The following POLG variants were observed in gnomAD, a reference collection of about 807,000 sequenced individuals.
The protein encoded by POLG is DNA polymerase subunit gamma-1.
In POLG, 110 loss-of-function variants were observed where a neutral mutation model predicts 155.4. The observed-to-expected ratio is 0.71, with a 90% CI of 0.61 to 0.83. The LOEUF is 0.83. Ranked by LOEUF, POLG falls within the 40% of genes least tolerant of loss-of-function variation. POLG has a pLI of 0.00. For missense variants in POLG, 1,685 were observed against 1,627.5 expected (o/e 1.04, Z -0.61); for synonymous variants, 701 against 631.5 (o/e 1.11, Z -1.65).
At position 89,325,073 on chromosome 15, in the gene POLG, T is replaced by TGAGTGAGTGAGTGAGA. The variant is rs2055461625; in HGVS notation, c.1949+376_1949+377insTCTCACTCACTCACTC. ...GTGAGTGAGAGAGTGAGTGAGTGAG[T>TGAGTGAGTGAGTGAGA]GAGTGAGTGAGAGAGTGAGTGAGTG... On this transcript the variant is annotated intron_variant, in intron 10 of 22. Coordinates refer to ENST00000268124, the MANE Select transcript of POLG (RefSeq NM_002693.3). 4.0e-5 allele frequency among the ~76,000 whole-genome samples: 3 copies of TGAGTGAGTGAGTGAGA among 74,402 alleles called. No homozygotes were observed. The South Asian group carries it at 1.2e-3, about 30-fold the overall frequency. The allele number at this position is 74,402 out of a possible 152,430, so 48.8% of individuals were successfully genotyped here. A position where few individuals can be genotyped will look rare whatever the true frequency, so the allele number is the denominator to read the frequency against.
At chr15:89,330,864 A>T (rs2055585164) in intron 2 of POLG, among the ~76,000 whole-genome samples, 2 of 152,154 alleles carry the variant, frequency 1.3e-5, no homozygotes. Context: ...AGAACCAGGG[A>T]AAGTGCCAGA....
rs1567189346 is a variant in POLG, at chr15:89,325,105, T to TGAGTGAGTGAGA, written c.1949+344_1949+345insTCTCACTCACTC. On this transcript the variant is annotated intron_variant, in intron 10 of 22. Transcript: ENST00000268124. ...GTGAGAGAGTGAGTGAGTGAGAGAG[T>TGAGTGAGTGAGA]GAGAGAGAGTGAGTGAGTGAGTGAG... Among the ~76,000 whole-genome samples, 2 of 26,396 alleles carry TGAGTGAGTGAGA rather than the reference T, an allele frequency of 7.6e-5. 1 individual carries two copies. Among genetic ancestry groups the TGAGTGAGTGAGA allele is most frequent in the African/African-American group, 5.0e-4 (2 of 3,976 alleles). The allele number at this position is 26,396 out of a possible 152,430, so 17.3% of individuals were successfully genotyped here. A position where few individuals can be genotyped will look rare whatever the true frequency, so the allele number is the denominator to read the frequency against.
intron 6 of POLG, among the ~76,000 whole-genome samples, chr15:89,327,967 CAT>C (rs1370506711): frequency 6.6e-6 from 1 of 152,112 alleles, no homozygotes; most frequent in Non-Finnish European, 1.5e-5. Flanking sequence ...ATACGTATAA[CAT>C]AAAAAATATG....
chr15:89,333,602 C>T lies in POLG; in HGVS notation c.153G>A (p.Gln51=), dbSNP rs1453538834. 1.3e-6 allele frequency: 2 copies of T among 1,548,422 alleles called. No individual in the cohort carries two copies. Among genetic ancestry groups the T allele is most frequent in the Non-Finnish European group, 1.8e-6 (2 of 1,134,918 alleles). The change falls in exon 2 of 23, where the codon CAG becomes CAA. Residue 51 remains glutamine (Q), a synonymous_variant. Transcript: ENST00000268124. The part of the protein sequence containing the change: ...RRQQQQQQQQ[Q]QQQQPQQPQV... ...GCGGCTGCTGAGGCTGCTGTTGCTG[C>T]TGCTGCTGCTGCTGCTGCTGCTGCT...
intron 16 of POLG, 32 bp downstream of exon 16, chr15:89,321,704 G>A (rs751208501): frequency 8.8e-6 from 13 of 1,477,310 alleles, no homozygotes; most frequent in Non-Finnish European, 1.1e-5. Flanking sequence ...GGGAGAGGAA[G>A]AGCAGGGGCC....
intron 19 of POLG, 41 bp from the exon 20 acceptor site, chr15:89,319,140 A>G (rs373566646): frequency 9.9e-6 from 16 of 1,613,996 alleles, no homozygotes; most frequent in Non-Finnish European, 1.3e-5. Flanking sequence ...GTCTTTCAGC[A>G]TCTCAAAGCT....
chr15:89,325,267 T>TGA (rs1269264257), intron 10 of POLG, among the ~76,000 whole-genome samples, 183 bp downstream of exon 10: 1 of 106,414 alleles, frequency 9.4e-6, no homozygotes, highest in Non-Finnish European at 1.8e-5. Flanking sequence ...AGTGAGTGAG[T>TGA]GAGTGAGAGA....
Position 89,325,561 on chromosome 15 carries a change from T to G in POLG, c.1838A>C (p.His613Pro). 1 of 1,613,698 alleles carries G rather than the reference T, an allele frequency of 6.2e-7. No homozygotes were observed. The highest frequency in any genetic ancestry group is 1.6e-4 in the Middle Eastern group (1 of 6,062). Residue 613 changes from histidine to proline, a missense_variant, in exon 10 of 23, where the codon CAC becomes CCC. By Grantham distance (77) the His-to-Pro change is moderately conservative. Around this residue, in one of 3 missense-constraint regions of POLG, gnomAD observed 1,210 missense variants for 1,167.1 expected, o/e 1.04. Coordinates refer to ENST00000268124, the MANE Select transcript of POLG (RefSeq NM_002693.3). Reference protein sequence around the residue: ...MALTWDGFPLHYSERHGWGYL... With the variant: ...MALTWDGFPLPYSERHGWGYL... Reference sequence around the variant, plus strand: ...GCCCCAGCCATGACGCTCTGAGTAGTGCAGAGGGAAGCCATCCCAGGTAAG... The same window carrying G: ...GCCCCAGCCATGACGCTCTGAGTAGGGCAGAGGGAAGCCATCCCAGGTAAG...
In POLG at chr15:89,324,115, A is replaced by G. The variant is rs2055437637; in HGVS notation, c.2062T>C (p.Trp688Arg). The G allele has an allele frequency of 6.2e-7, 1 of 1,614,050 alleles. No individual in the cohort carries two copies. The change falls in exon 11 of 23, where the codon TGG (tryptophan) becomes CGG (arginine). Residue 688 changes from tryptophan to arginine, a missense_variant. By Grantham distance (101) the Trp-to-Arg change is moderately radical. Coordinates refer to ENST00000268124, the MANE Select transcript of POLG (RefSeq NM_002693.3). Reference sequence around the variant, plus strand: ...TCAGAGCCTGCCCTCACCGTTTGCCATATGGCACTATTGTCAGTGAGCAGG... The same window carrying G: ...TCAGAGCCTGCCCTCACCGTTTGCCGTATGGCACTATTGTCAGTGAGCAGG... ...EFLLTDNSAI[W>R]QTVEELDYLE...
intron 8 of POLG, 78 bp from the exon 9 acceptor site, chr15:89,326,816 G>A (rs747216779): frequency 6.2e-7 from 1 of 1,611,316 alleles, no homozygotes; most frequent in Non-Finnish European, 8.5e-7. Context: ...CTCATCTCCA[G>A]AAGGCTGGAG....
chr15:89,326,828 A>G, intron 8 of POLG, 84 bp downstream of exon 8: 3 of 1,608,170 alleles, frequency 1.9e-6, no homozygotes, highest in Non-Finnish European at 2.6e-6. Context: ...AGGCTGGAGC[A>G]ATCCTTTCGA....
intron 18 of POLG, 68 bp downstream of exon 18, chr15:89,320,698 A>G: frequency 6.4e-7 from 1 of 1,563,836 alleles, no homozygotes; most frequent in Non-Finnish European, 8.7e-7. Context: ...AACAGATGGT[A>G]GTACTAAAGG....
chr15:89,332,243 C>T (rs982321906), intron 2 of POLG: 1 of 152,176 alleles, frequency 6.6e-6, no homozygotes, highest in African/African-American at 2.4e-5. Context: ...ATGTTTTCAC[C>T]ATTTTCAACT....
chr15:89,333,618 T>TGCC lies in POLG; in HGVS notation c.136_137insGGC (p.Gln45_Gln46insArg), dbSNP rs1567194459. ...CTGTTGCTGCTGCTGCTGCTGCTGC[T>TGCC]GCTGCTGCTGCCGCCGCCGCTGCCC... On this transcript the variant is annotated inframe_insertion, in exon 2 of 23. Transcript: ENST00000268124. 3 of 1,600,778 alleles carry TGCC rather than the reference T, an allele frequency of 1.9e-6. No homozygotes were observed. The South Asian group carries it at 3.3e-5, about 18-fold the overall frequency.
At chr15:89,332,040 G>A (rs1158479440) in intron 2 of POLG, among the ~76,000 whole-genome samples, 1 of 152,166 alleles carries the variant, frequency 6.6e-6, no homozygotes, top group Non-Finnish European at 1.5e-5. Context: ...TCTTGTCACT[G>A]GTTTCCTAAT....
At chr15:89,323,300 T>C (rs1232734482) in intron 13 of POLG, 104 bp downstream of exon 13, 5 of 753,428 alleles carry the variant, frequency 6.6e-6, no homozygotes, top group Non-Finnish European at 1.2e-5. Context: ...CTACTAGTCA[T>C]TCCCACAAAA....
Position 89,316,687 on chromosome 15 carries a change from G to T in POLG, c.*64C>A. 1 of 1,389,594 alleles carries T rather than the reference G, an allele frequency of 7.2e-7. No homozygotes were observed. The highest frequency in any genetic ancestry group is 1.4e-5 in the African/African-American group (1 of 70,006). The allele number at this position is 1,389,594 out of a possible 1,614,324, so 86.1% of individuals were successfully genotyped here. A position where few individuals can be genotyped will look rare whatever the true frequency, so the allele number is the denominator to read the frequency against. ...GCAAAAAGCACAGCTGAAAGCCTGA[G>T]TTTGGGAGCCTGCACCACCCCGATG... On this transcript the variant is annotated 3_prime_UTR_variant, in exon 23 of 23. Transcript: ENST00000268124.
intron 10 of POLG, among the ~76,000 whole-genome samples, chr15:89,325,033 C>A (rs2055451371): frequency 7.4e-6 from 1 of 134,814 alleles, no homozygotes; most frequent in African/African-American, 3.0e-5. Context: ...AAACCTGAAC[C>A]CAGAGAGTGA....
chr15:89,325,319 T>C, intron 10 of POLG, 131 bp downstream of exon 10: 6 of 695,626 alleles, frequency 8.6e-6, no homozygotes, highest in Admixed American at 2.1e-5. Context: ...TGTGTGTTAA[T>C]TTTTTTCCTG....
Sources: gnomAD v4.1 joint callset for allele counts (sites outside exome capture counted in the v4.1 genomes callset) on GRCh38, gnomAD v4.1.1 for gene constraint, gnomAD v4.1.1 regional missense constraint, MANE v1.5 for transcripts, NCBI Gene and HGNC (gene_info 2026-07-23, HGNC 2026-07-21) for gene names.